Variants in UGGT2 observed in about 807,000 individuals in gnomAD.
The protein encoded by UGGT2 is UDP-glucose glycoprotein glucosyltransferase 2, also known as UDP-glucose:glycoprotein glucosyltransferase 2.
In UGGT2, 180 loss-of-function variants were observed where a neutral mutation model predicts 192.1. That is an observed-to-expected ratio of 0.94 (90% CI 0.83 to 1.06). The LOEUF is 1.06. UGGT2 is among the 50% of genes least tolerant of loss of function. The pLI is 0.00. For synonymous variants in UGGT2, 580 were observed against 591.0 expected, an observed-to-expected ratio of 0.98 and a Z score of 0.27; for missense variants, 1,849 against 1,795.7, an observed-to-expected ratio of 1.03 and a Z score of -0.54.
chr13:95,986,892 T>C (rs1431839762), intron 8 of UGGT2, among the ~76,000 whole-genome samples: 1 of 152,114 alleles, frequency 6.6e-6, no homozygotes, highest in African/African-American at 2.4e-5. Flanking sequence ...TGTGCTGAAA[T>C]AAAATCCTAA....
intron 5 of UGGT2, among the ~76,000 whole-genome samples, chr13:96,007,788 G>T (rs1053101814): frequency 3.3e-5 from 5 of 151,970 alleles, no homozygotes; most frequent in African/African-American, 1.2e-4. Context: ...GAATCGAAGA[G>T]AACACCAAAA....
intron 20 of UGGT2, among the ~76,000 whole-genome samples, chr13:95,920,217 T>G (rs2048803543): frequency 1.3e-5 from 2 of 152,144 alleles, no homozygotes; most frequent in African/African-American, 4.8e-5. Context: ...AAAACTTAAA[T>G]GTAAAACCCG....
chr13:95,889,577 C>G (rs193237420), intron 25 of UGGT2, among the ~76,000 whole-genome samples: 1 of 152,136 alleles, frequency 6.6e-6, no homozygotes, highest in Admixed American at 6.5e-5. Flanking sequence ...GTAAAATTTT[C>G]GATATCAGTA....
At chr13:95,930,920 C>A (rs904575894) in intron 17 of UGGT2, among the ~76,000 whole-genome samples, 1 of 152,082 alleles carries the variant, frequency 6.6e-6, no homozygotes, top group Non-Finnish European at 1.5e-5. Context: ...GCAGCACGGA[C>A]CCAAAGACTG....
Position 95,855,969 on chromosome 13 carries a change from C to T in UGGT2, c.4008+189G>A, listed in dbSNP as rs566045420. 6.6e-5 allele frequency among the ~76,000 whole-genome samples: 10 copies of T among 152,218 alleles called. No individual in the cohort carries two copies. The East Asian group carries it at 7.7e-4, about 12-fold the overall frequency. ...CCTAAATAATAAATGGTACTTCTTA[C>T]AATACCTTCAATTTTCCCCTGGAAT... On this transcript the variant is annotated intron_variant, in intron 34 of 38. Transcript: ENST00000376747.
At position 95,861,648 on chromosome 13, in the gene UGGT2, T is replaced by A. The variant is rs76911724; in HGVS notation, c.3645-765A>T. 1.1e-4 allele frequency among the ~76,000 whole-genome samples: 16 copies of A among 152,296 alleles called. No individual in the cohort carries two copies. In the East Asian group the frequency reaches 2.9e-3, roughly 28 times the overall value. On this transcript the variant is annotated intron_variant, in intron 31 of 38. Transcript: ENST00000376747. ...ATCTTTTTCTTCCTAAACATTTATTTCAAAATACTTTTATATAAACAGATA... is the reference window on the plus strand; with the variant it reads ...ATCTTTTTCTTCCTAAACATTTATTACAAAATACTTTTATATAAACAGATA...
intron 38 of UGGT2, among the ~76,000 whole-genome samples, chr13:95,823,065 G>T (rs907155802): frequency 6.6e-6 from 1 of 152,076 alleles, no homozygotes; most frequent in African/African-American, 2.4e-5. Context: ...TTCAGGAGCA[G>T]ATTATTTAAT....
At chr13:95,827,129 A>G (rs116651537) in intron 38 of UGGT2, among the ~76,000 whole-genome samples, 246 of 152,274 alleles carry the variant, frequency 1.6e-3, no homozygotes, top group African/African-American at 5.5e-3. Context: ...AATCCTCTAG[A>G]AAAAAACAGG....
At chr13:95,819,870 G>A (rs905249767) in intron 38 of UGGT2, among the ~76,000 whole-genome samples, 2 of 152,218 alleles carry the variant, frequency 1.3e-5, no homozygotes, top group East Asian at 1.9e-4. Context: ...AATAAGGAAC[G>A]AAATAGGCCG....
At chr13:95,937,937 G>T (rs956797691) in intron 16 of UGGT2, among the ~76,000 whole-genome samples, 3 of 152,150 alleles carry the variant, frequency 2.0e-5, no homozygotes, top group Non-Finnish European at 4.4e-5. Context: ...CATGTTGTGG[G>T]GGGACCCAGT....
At chr13:95,963,851 G>A (rs1295229003) in intron 12 of UGGT2, among the ~76,000 whole-genome samples, 1 of 151,928 alleles carries the variant, frequency 6.6e-6, no homozygotes, top group Non-Finnish European at 1.5e-5. Context: ...AGAAAAAATT[G>A]AAAAAGACAG....
intron 8 of UGGT2, among the ~76,000 whole-genome samples, chr13:95,987,418 A>G (rs2051322957): frequency 6.6e-6 from 1 of 152,058 alleles, no homozygotes; most frequent in African/African-American, 2.4e-5. Context: ...GACTATGCAT[A>G]CTCTTTGCTT....
Position 95,894,569 on chromosome 13 carries a change from T to C in UGGT2, c.2848A>G (p.Asn950Asp). The change falls in exon 24 of 39, where the codon AAT becomes GAT. Residue 950 changes from asparagine to aspartate, a missense_variant. Transcript: ENST00000376747. ...SRYDVTFLRE[N>D]HSVIKTNPQE... ...ATACGAATACATTCTTACCTGTGAT[T>C]CTCCCTAAGAAATGTGACATCATAT... The C allele has an allele frequency of 6.2e-7, 1 of 1,609,398 alleles. No homozygotes were observed. Among genetic ancestry groups the C allele is most frequent in the Non-Finnish European group, 8.5e-7 (1 of 1,177,418 alleles).
In UGGT2 at chr13:95,902,932, G is replaced by A; in HGVS notation, c.2424C>T (p.Ser808=). The A allele has an allele frequency of 1.9e-6, 3 of 1,613,502 alleles. No individual in the cohort carries two copies. The highest frequency in any genetic ancestry group is 2.5e-6 in the Non-Finnish European group (3 of 1,179,664). The change falls in exon 21 of 39, where the codon AGC becomes AGT. Residue 808 remains serine (S), a synonymous_variant. Coordinates refer to ENST00000376747, the MANE Select transcript of UGGT2 (RefSeq NM_020121.4). ...FLTQKNMFLR[S]FLGQLAKEEI... ...CTTCCTTTGCCAGTTGCCCAAGAAA[G>A]CTTCTCAAAAACATGTTCTTCTGTG... is the stretch of plus-strand genomic sequence containing the variant.
At chr13:95,805,599 T>C (rs1312538545) in intron 38 of UGGT2, among the ~76,000 whole-genome samples, 10 of 152,098 alleles carry the variant, frequency 6.6e-5, no homozygotes, top group Non-Finnish European at 1.5e-5. Flanking sequence ...ATCCAGTCTT[T>C]TAAAAGGGAA....
chr13:95,936,931 A>G lies in UGGT2; in HGVS notation c.1970T>C (p.Val657Ala). ...TTATAAATGCTTACCTACCAAAAAA[A>G]CTTCTCTTTGTAAATATACAGATGC... Reference protein sequence around the residue: ...MDASVYLQREVFLGTLNDRTN... With the variant: ...MDASVYLQREAFLGTLNDRTN... The change falls in exon 17 of 39, where the codon GTT (valine) becomes GCT (alanine). Residue 657 changes from valine to alanine, a missense_variant. Coordinates refer to ENST00000376747, the MANE Select transcript of UGGT2 (RefSeq NM_020121.4). The G allele has an allele frequency of 6.6e-7, 1 of 1,524,840 alleles. No homozygotes were observed. The highest frequency in any genetic ancestry group is 8.8e-7 in the Non-Finnish European group (1 of 1,142,794). The allele number at this position is 1,524,840 out of a possible 1,614,324, so 94.5% of individuals were successfully genotyped here.
In UGGT2 at chr13:96,032,704, G is replaced by T. The variant is rs558797186; in HGVS notation, c.159-733C>A. ...ACCATACACATGGTGCTGATTATTT[G>T]TTATTGCCCACCTTACCTTTCTCTC... On this transcript the variant is annotated intron_variant, in intron 1 of 38. Transcript: ENST00000376747. Among the ~76,000 whole-genome samples the T allele has an allele frequency of 1.1e-4, 17 of 152,304 alleles. No homozygotes were observed. In the South Asian group the frequency reaches 3.5e-3, roughly 32 times the overall value.
chr13:95,911,075 C>T (rs2048478683), intron 20 of UGGT2, among the ~76,000 whole-genome samples: 1 of 152,138 alleles, frequency 6.6e-6, no homozygotes, highest in African/African-American at 2.4e-5. Context: ...ATCTTTGGGA[C>T]ACATTTAAAG....
intron 29 of UGGT2, among the ~76,000 whole-genome samples, chr13:95,869,713 T>TG (rs1891056862): frequency 1.3e-5 from 2 of 152,094 alleles, no homozygotes. Flanking sequence ...TCTGGATACA[T>TG]GAGGAAAATG....
Sources: gnomAD v4.1 joint callset for allele counts (sites outside exome capture counted in the v4.1 genomes callset) on GRCh38, gnomAD v4.1.1 for gene constraint, MANE v1.5 for transcripts, NCBI Gene and HGNC (gene_info 2026-07-23, HGNC 2026-07-21) for gene names.